TSHZ2: variants seen among roughly 807,000 people sequenced by gnomAD.
TSHZ2 encodes the protein teashirt zinc finger homeobox 2.
In TSHZ2, 21 loss-of-function variants were observed where a neutral mutation model predicts 74.4. That is an observed-to-expected ratio of 0.28 (90% confidence interval 0.20 to 0.41). The LOEUF (loss-of-function observed/expected upper bound fraction) is 0.41. Ranked by LOEUF, TSHZ2 falls within the 10% of genes least tolerant of loss-of-function variation. The pLI is 1.00. For synonymous variants in TSHZ2, 540 were observed against 515.3 expected, an observed-to-expected ratio of 1.05 and a Z score of -0.65; for missense variants, 1,244 against 1,293.5, an observed-to-expected ratio of 0.96 and a Z score of 0.59.
intron 2 of TSHZ2, among the ~76,000 whole-genome samples, chr20:53,449,291 C>T (rs374778864): frequency 5.1e-4 from 78 of 152,304 alleles, no homozygotes; most frequent in African/African-American, 1.8e-3. Flanking sequence ...GTTTCTAACT[C>T]ATTGGGTTGT....
At chr20:53,427,218 A>T (rs188031660) in intron 2 of TSHZ2, among the ~76,000 whole-genome samples, 29 of 152,324 alleles carry the variant, frequency 1.9e-4, no homozygotes, top group Non-Finnish European at 3.1e-4. Context: ...GAAGGGGAAG[A>T]ACAAAGACAA....
chr20:52,978,817 ATGT>A (rs1207886759), intron 1 of TSHZ2, among the ~76,000 whole-genome samples: 1 of 152,140 alleles, frequency 6.6e-6, no homozygotes, highest in Non-Finnish European at 1.5e-5. Flanking sequence ...TAATTTTCTA[ATGT>A]TGTGATAAAT....
At chr20:53,142,086 G>C (rs1050645432) in intron 1 of TSHZ2, among the ~76,000 whole-genome samples, 6 of 152,120 alleles carry the variant, frequency 3.9e-5, no homozygotes, top group African/African-American at 1.2e-4. Context: ...GTTGTTTGTT[G>C]TTGTTTTTGT....
At chr20:53,449,426 A>G (rs1254213873) in intron 2 of TSHZ2, among the ~76,000 whole-genome samples, 1 of 152,268 alleles carries the variant, frequency 6.6e-6, no homozygotes, top group Non-Finnish European at 1.5e-5. Flanking sequence ...TTTATGAGGC[A>G]CCCACTATGT....
chr20:53,126,548 G>A (rs1986951439), intron 1 of TSHZ2, among the ~76,000 whole-genome samples: 2 of 152,178 alleles, frequency 1.3e-5, no homozygotes, highest in South Asian at 4.1e-4. Context: ...ACTAGAGGAG[G>A]TTTATGCAAT....
intron 2 of TSHZ2, among the ~76,000 whole-genome samples, chr20:53,434,709 A>G (rs1023705932): frequency 2.6e-5 from 4 of 152,362 alleles, no homozygotes; most frequent in Middle Eastern, 3.4e-3. Flanking sequence ...GCAAGCAGAC[A>G]CCATTAGACT....
chr20:53,095,382 G>A (rs1986006779), intron 1 of TSHZ2, among the ~76,000 whole-genome samples: 1 of 152,150 alleles, frequency 6.6e-6, no homozygotes, highest in South Asian at 2.1e-4. Flanking sequence ...GCTCAACCAA[G>A]AGAAATGGGA....
chr20:53,029,563 C>A (rs544977279), intron 1 of TSHZ2, among the ~76,000 whole-genome samples: 2 of 152,280 alleles, frequency 1.3e-5, no homozygotes, highest in African/African-American at 4.8e-5. Flanking sequence ...GTAATCCCAG[C>A]TACTTGGGAA....
chr20:53,329,120 A>C lies in TSHZ2; in HGVS notation c.*8+72549A>C, dbSNP rs148202215. ...GGTTTCAAGCTTAATATAAACCAGG[A>C]ATGTTTCTCATCACTCGAATGCATT... is the stretch of plus-strand genomic sequence containing the variant. On this transcript the variant is annotated intron_variant, in intron 2 of 2. Coordinates refer to ENST00000371497, the MANE Select transcript of TSHZ2 (RefSeq NM_173485.6). 9.8e-5 allele frequency among the ~76,000 whole-genome samples: 15 copies of C among 152,334 alleles called. No homozygotes were observed. In the East Asian group the frequency reaches 2.1e-3, roughly 22 times the overall value.
intron 1 of TSHZ2, among the ~76,000 whole-genome samples, chr20:53,038,330 G>A (rs1019804459): frequency 6.7e-6 from 1 of 150,026 alleles, no homozygotes; most frequent in East Asian, 2.0e-4. Context: ...GGTTTGAGAA[G>A]CAGAAGCTTA....
intron 1 of TSHZ2, among the ~76,000 whole-genome samples, chr20:53,080,726 T>C (rs1985506178): frequency 6.6e-6 from 1 of 152,172 alleles, no homozygotes. Context: ...ACCGCTCACC[T>C]CCTGCTATTC....
intron 2 of TSHZ2, among the ~76,000 whole-genome samples, chr20:53,436,545 A>ATTTTTTTTTT (rs1430483512): frequency 2.0e-5 from 2 of 101,984 alleles, no homozygotes; most frequent in East Asian, 3.2e-4. Context: ...TATTATTATT[A>ATTTTTTTTTT]TTATTTTTTT....
At chr20:53,370,962 C>T (rs1766700479) in intron 2 of TSHZ2, among the ~76,000 whole-genome samples, 2 of 152,206 alleles carry the variant, frequency 1.3e-5, no homozygotes, top group Admixed American at 6.5e-5. Flanking sequence ...CACACTCCCT[C>T]TGAAGATGCT....
chr20:53,426,723 A>G (rs1386240505), intron 2 of TSHZ2, among the ~76,000 whole-genome samples: 1 of 152,204 alleles, frequency 6.6e-6, no homozygotes, highest in Non-Finnish European at 1.5e-5. Context: ...GATGGATCAA[A>G]AGAGAGAATT....
At chr20:53,019,349 C>G (rs1022936987) in intron 1 of TSHZ2, among the ~76,000 whole-genome samples, 2 of 151,938 alleles carry the variant, frequency 1.3e-5, no homozygotes, top group Non-Finnish European at 1.5e-5. Flanking sequence ...TTTGAAAGCA[C>G]TGAAGTCACT....
intron 1 of TSHZ2, among the ~76,000 whole-genome samples, chr20:53,037,263 A>G (rs1444721949): frequency 6.6e-6 from 1 of 152,186 alleles, no homozygotes; most frequent in Non-Finnish European, 1.5e-5. Flanking sequence ...CACGTGTGCT[A>G]TCACTAGTCA....
intron 2 of TSHZ2, among the ~76,000 whole-genome samples, chr20:53,463,287 A>G (rs1985436928): frequency 6.6e-6 from 1 of 151,932 alleles, no homozygotes. Flanking sequence ...CACTTTGGGT[A>G]GAGACAGGAG....
intron 1 of TSHZ2, among the ~76,000 whole-genome samples, chr20:53,072,319 A>G (rs1020220197): frequency 5.3e-5 from 8 of 152,234 alleles, no homozygotes; most frequent in Non-Finnish European, 2.9e-5. Context: ...ATACAAGTGC[A>G]AAGAGTATCT....
chr20:53,474,288 A>G (rs1600668829), intron 2 of TSHZ2, among the ~76,000 whole-genome samples: 1 of 135,334 alleles, frequency 7.4e-6, no homozygotes, highest in East Asian at 2.4e-4. Context: ...AGGGAAGCCC[A>G]TCAGACTAAC....
Sources: gnomAD v4.1 joint callset for allele counts (sites outside exome capture counted in the v4.1 genomes callset) on GRCh38, gnomAD v4.1.1 for gene constraint, MANE v1.5 for transcripts, NCBI Gene and HGNC (gene_info 2026-07-23, HGNC 2026-07-21) for gene names.